Variants in GSAP observed in about 807,000 individuals in gnomAD.
GSAP encodes the protein gamma-secretase-activating protein.
In GSAP, 118 loss-of-function variants were observed where a neutral mutation model predicts 131.7. That is an observed-to-expected ratio of 0.90 (90% confidence interval 0.77 to 1.04). GSAP has a LOEUF of 1.04. Ranked by LOEUF, GSAP falls within the 50% of genes least tolerant of loss-of-function variation. The pLI is 0.00. For synonymous variants in GSAP, 381 were observed against 363.4 expected, an observed-to-expected ratio of 1.05 and a Z score of -0.55; for missense variants, 1,019 against 1,013.2, an observed-to-expected ratio of 1.01 and a Z score of -0.08.
chr7:77,389,763 T>C (rs549967061), intron 5 of GSAP, among the ~76,000 whole-genome samples: 3 of 152,352 alleles, frequency 2.0e-5, no homozygotes, highest in Non-Finnish European at 4.4e-5. Flanking sequence ...TGTGTCTTTA[T>C]AGCAGCATGA....
At chr7:77,390,946 T>TAAAAAAAAAAAAAAAAA (rs71085453) in intron 5 of GSAP, among the ~76,000 whole-genome samples, 1 of 37,928 alleles carries the variant, frequency 2.6e-5, no homozygotes, top group African/African-American at 9.7e-5. Flanking sequence ...AGACTCCGTC[T>TAAAAAAAAAAAAAAAAA]AAAAAAAAAA....
intron 12 of GSAP, 139 bp downstream of exon 12, chr7:77,373,931 T>A (rs879084360): frequency 3.1e-6 from 2 of 641,356 alleles, no homozygotes; most frequent in African/African-American, 1.9e-5. Flanking sequence ...GAAGATTTGA[T>A]ACATGACAAT....
At chr7:77,347,028 A>G (rs769106569) in intron 19 of GSAP, among the ~76,000 whole-genome samples, 2 of 150,824 alleles carry the variant, frequency 1.3e-5, no homozygotes, top group South Asian at 2.1e-4. Flanking sequence ...GAGGGAAGGA[A>G]TGCTTCCATA....
At chr7:77,376,244 CT>C (rs1796835621) in intron 10 of GSAP, among the ~76,000 whole-genome samples, 1 of 152,186 alleles carries the variant, frequency 6.6e-6, no homozygotes, top group Admixed American at 6.5e-5. Context: ...ACTGCAATTA[CT>C]TTTGCACCAA....
chr7:77,344,518 C>T (rs1791496342), intron 19 of GSAP, among the ~76,000 whole-genome samples: 1 of 152,170 alleles, frequency 6.6e-6, no homozygotes, highest in South Asian at 2.1e-4. Flanking sequence ...AAAAACTTGT[C>T]ATCCGTACTA....
intron 5 of GSAP, among the ~76,000 whole-genome samples, chr7:77,392,965 T>A (rs753577233): frequency 1.9e-4 from 29 of 152,044 alleles, no homozygotes; most frequent in Non-Finnish European, 2.6e-4. Context: ...CAGGGGAGGA[T>A]GAAGGGGACA....
chr7:77,398,781 G>A (rs1405371489), intron 3 of GSAP, among the ~76,000 whole-genome samples: 3 of 150,512 alleles, frequency 2.0e-5, no homozygotes, highest in East Asian at 2.0e-4. Context: ...CAAAAAAAAA[G>A]GTCAAAAGAA....
Position 77,310,819 on chromosome 7 carries a change from A to AAAT in GSAP, c.*536_*538dup, listed in dbSNP as rs1478885760. The stretch of plus-strand genomic sequence containing the variant: ...CAACCTTTTATAAATAAAAAAAAAT[A>AAAT]AATATGTTTCATCTGAATTCACAAA... On this transcript the variant is annotated 3_prime_UTR_variant, in exon 31 of 31. Coordinates refer to ENST00000257626, the MANE Select transcript of GSAP (RefSeq NM_017439.4). The AAAT allele has an allele frequency of 7.3e-6, 1 of 137,308 alleles. No individual in the cohort carries two copies. Among genetic ancestry groups the AAAT allele is most frequent in the Non-Finnish European group, 1.7e-5 (1 of 59,452 alleles). The allele number at this position is 137,308 out of a possible 1,614,324, so 8.5% of individuals were successfully genotyped here.
chr7:77,340,072 AC>A (rs1326757182), intron 19 of GSAP, among the ~76,000 whole-genome samples: 1 of 152,186 alleles, frequency 6.6e-6, no homozygotes, highest in Admixed American at 6.5e-5. Context: ...ATGACATTCC[AC>A]CATTGTGATT....
chr7:77,312,529 T>TA (rs1236360974), intron 28 of GSAP, among the ~76,000 whole-genome samples: 2 of 152,090 alleles, frequency 1.3e-5, no homozygotes, highest in African/African-American at 4.8e-5. Flanking sequence ...CTAAGGGGGG[T>TA]ACGCATGTTT....
chr7:77,374,645 AG>A (rs1376442735), intron 11 of GSAP, among the ~76,000 whole-genome samples: 10 of 151,150 alleles, frequency 6.6e-5, no homozygotes, highest in African/African-American at 2.5e-4. Context: ...AAAGGAAAAC[AG>A]AAAAAAAAAA....
chr7:77,406,877 C>G (rs958572232), intron 1 of GSAP, among the ~76,000 whole-genome samples: 1 of 152,186 alleles, frequency 6.6e-6, no homozygotes, highest in African/African-American at 2.4e-5. Flanking sequence ...AAACAGTCTT[C>G]GAAGCTCCCC....
At chr7:77,365,982 G>A (rs1795243453) in intron 12 of GSAP, among the ~76,000 whole-genome samples, 1 of 139,212 alleles carries the variant, frequency 7.2e-6, no homozygotes, top group Non-Finnish European at 1.5e-5. Context: ...ACCTCTATCT[G>A]CATTTCTCTA....
chr7:77,390,656 T>C (rs12537558), intron 5 of GSAP, among the ~76,000 whole-genome samples: 66,659 of 151,830 alleles, frequency 0.44, 16,072 homozygotes, highest in Non-Finnish European at 0.54. Flanking sequence ...CTAAGCTAAA[T>C]GACGAGTTAA....
intron 5 of GSAP, among the ~76,000 whole-genome samples, chr7:77,395,301 C>T (rs1164367168): frequency 6.6e-6 from 1 of 152,124 alleles, no homozygotes; most frequent in Non-Finnish European, 1.5e-5. Context: ...CAGATGCCCA[C>T]CCTCACCACC....
At chr7:77,384,081 A>G (rs1244920048) in intron 6 of GSAP, among the ~76,000 whole-genome samples, 1 of 152,258 alleles carries the variant, frequency 6.6e-6, no homozygotes, top group Non-Finnish European at 1.5e-5. Context: ...TCACACATCA[A>G]ACAAGATACT....
At chr7:77,389,114 G>A (rs1024712954) in intron 5 of GSAP, among the ~76,000 whole-genome samples, 2 of 152,130 alleles carry the variant, frequency 1.3e-5, no homozygotes, top group African/African-American at 2.4e-5. Flanking sequence ...TCTGTTGAGA[G>A]GTGAGTATGT....
At chr7:77,385,840 G>A (rs995975526) in intron 6 of GSAP, among the ~76,000 whole-genome samples, 1 of 152,156 alleles carries the variant, frequency 6.6e-6, no homozygotes, top group African/African-American at 2.4e-5. Context: ...AATAGCTTGG[G>A]GGACAAAAAG....
At chr7:77,343,264 C>T (rs1791283521) in intron 19 of GSAP, among the ~76,000 whole-genome samples, 1 of 152,196 alleles carries the variant, frequency 6.6e-6, no homozygotes, top group African/African-American at 2.4e-5. Flanking sequence ...CTTCCAAAAT[C>T]TATTTTCTTC....
Sources: allele counts gnomAD v4.1 joint callset (sites outside exome capture counted in the v4.1 genomes callset), GRCh38; gene constraint gnomAD v4.1.1; transcripts MANE v1.5; gene names NCBI Gene and HGNC (gene_info 2026-07-23, HGNC 2026-07-21).